CASZ1: variants seen among roughly 807,000 people sequenced by gnomAD.
CASZ1 encodes the protein zinc finger protein castor homolog 1.
CASZ1 carries 28 observed loss-of-function variants against 135.2 expected under a neutral mutation model. The observed-to-expected ratio is 0.21, with a 90% confidence interval of 0.15 to 0.28. The LOEUF is 0.28. CASZ1 is among the 10% of genes least tolerant of loss of function. The pLI is 1.00. For synonymous variants in CASZ1, 1,068 were observed against 1,073.4 expected, an observed-to-expected ratio of 0.99 and a Z score of 0.10; for missense variants, 2,161 against 2,453.3, an observed-to-expected ratio of 0.88 and a Z score of 2.52.
At chr1:10,716,064 A>G (rs1445284583) in intron 2 of CASZ1, among the ~76,000 whole-genome samples, 40 of 124,650 alleles carry the variant, frequency 3.2e-4, no homozygotes, top group Non-Finnish European at 5.9e-4. Flanking sequence ...CGCACCCCAC[A>G]GCACCCAATC....
intron 4 of CASZ1, among the ~76,000 whole-genome samples, chr1:10,678,566 C>T (rs1483407471): frequency 1.3e-5 from 2 of 152,224 alleles, no homozygotes; most frequent in African/African-American, 2.4e-5. Context: ...CACCCGTTCA[C>T]GCACACTCGC....
intron 4 of CASZ1, 30 bp from the exon 5 acceptor site, chr1:10,665,601 A>C: frequency 6.6e-7 from 1 of 1,514,248 alleles, no homozygotes; most frequent in South Asian, 1.3e-5. Flanking sequence ...CACGGAGGTC[A>C]GAGGCGTGCA....
In CASZ1 at chr1:10,639,108, T is replaced by C; in HGVS notation, c.5114A>G (p.Asp1705Gly). 1.7e-6 allele frequency: 2 copies of C among 1,155,480 alleles called. No homozygotes were observed. The highest frequency in any genetic ancestry group is 3.6e-5 in the Admixed American group (1 of 27,622). 71.6% of individuals were successfully genotyped at this position (1,155,480 alleles called of 1,614,324 possible). ...EDDDEDDDDE[D>G]DDEDDDDEDL... The stretch of plus-strand genomic sequence containing the variant: ...CTCGTCGTCGTCGTCCTCGTCGTCG[T>C]CCTCGTCGTCGTCGTCCTCGTCGTC... The change falls in exon 21 of 21, where the codon GAC becomes GGC. Residue 1705 changes from aspartate to glycine, a missense_variant. Physicochemically the swap from Asp to Gly is moderately conservative, Grantham distance 94. Transcript: ENST00000377022. This position sits in a 1 kb window ranked among gnomAD's most constrained non-coding sequence, Gnocchi z 4.0.
At chr1:10,722,364 C>T (rs1639514675) in intron 2 of CASZ1, among the ~76,000 whole-genome samples, 1 of 152,254 alleles carries the variant, frequency 6.6e-6, no homozygotes, top group South Asian at 2.1e-4. Flanking sequence ...CAGTTCCAAA[C>T]TCAAGGCCAA....
intron 3 of CASZ1, chr1:10,704,655 T>G (rs1639133293): frequency 6.6e-6 from 1 of 152,218 alleles, no homozygotes; most frequent in African/African-American, 2.4e-5. Context: ...ACAAACAGGT[T>G]TGGAGCCAGG....
chr1:10,658,172 T>C, intron 7 of CASZ1: 1 of 301,532 alleles, frequency 3.3e-6, no homozygotes, highest in Non-Finnish European at 6.4e-6. Flanking sequence ...CACGGTGGCC[T>C]GCACCCTACT....
In CASZ1 at chr1:10,759,144, G is replaced by A. The variant is rs77908528; in HGVS notation, c.-77+1557C>T. Among the ~76,000 whole-genome samples, 7 of 152,278 alleles carry A rather than the reference G, an allele frequency of 4.6e-5. No individual in the cohort carries two copies. The East Asian group carries it at 1.4e-3, about 29-fold the overall frequency. ...AAACATTACCCTCTCAGAGGGGAGG[G>A]GGCTCTGCAGGCACTCACAGCCTCT... On this transcript the variant is annotated intron_variant, in intron 2 of 20. Transcript: ENST00000377022. This position sits in a 1 kb window ranked among gnomAD's most constrained non-coding sequence, Gnocchi z 4.2.
intron 4 of CASZ1, among the ~76,000 whole-genome samples, chr1:10,674,185 C>T (rs1225684655): frequency 6.6e-6 from 1 of 152,218 alleles, no homozygotes; most frequent in Non-Finnish European, 1.5e-5. Context: ...CCTACAGAGT[C>T]AGGGCATTGG....
chr1:10,763,716 C>T (rs566589640), intron 1 of CASZ1, among the ~76,000 whole-genome samples: 5 of 152,306 alleles, frequency 3.3e-5, no homozygotes, highest in South Asian at 4.1e-4. Flanking sequence ...TAATGATCTG[C>T]GCGTCTCCAG....
intron 2 of CASZ1, among the ~76,000 whole-genome samples, chr1:10,744,117 C>T (rs201892242): frequency 3.9e-4 from 60 of 152,224 alleles, no homozygotes; most frequent in Admixed American, 2.7e-3. Context: ...ACTCCCACCC[C>T]GACCCTGCCC....
At chr1:10,649,490 C>T (rs936788199) in intron 13 of CASZ1, 53 bp from the exon 14 acceptor site, 47 of 1,543,172 alleles carry the variant, frequency 3.0e-5, no homozygotes, top group African/African-American at 2.2e-4. Flanking sequence ...AACACAGACA[C>T]GGCAGCCTGG....
intron 4 of CASZ1, among the ~76,000 whole-genome samples, chr1:10,685,290 C>T (rs1557504651): frequency 6.6e-6 from 1 of 152,206 alleles, no homozygotes; most frequent in Non-Finnish European, 1.5e-5. Flanking sequence ...GGCACACTGT[C>T]ATCTCTGATA....
At chr1:10,688,801 G>A (rs1255804135) in intron 4 of CASZ1, among the ~76,000 whole-genome samples, 2 of 152,204 alleles carry the variant, frequency 1.3e-5, no homozygotes, top group African/African-American at 4.8e-5. Context: ...GCCCTGCACA[G>A]GTGGTCCCGG....
At position 10,756,435 on chromosome 1, in the gene CASZ1, G is replaced by A. The variant is rs1640258262; in HGVS notation, c.-77+4266C>T. Among the ~76,000 whole-genome samples the A allele has an allele frequency of 6.6e-6, 1 of 152,244 alleles. No individual in the cohort carries two copies. The highest frequency in any genetic ancestry group is 2.1e-4 in the South Asian group (1 of 4,836). The stretch of plus-strand genomic sequence containing the variant: ...GGGAATACGTTGCCAGCAAGGGCAA[G>A]TGCTCACGCGAGCCCGGCAGCCGGC... On this transcript the variant is annotated intron_variant, in intron 2 of 20. Coordinates refer to ENST00000377022, the MANE Select transcript of CASZ1 (RefSeq NM_001079843.3). This position sits in a 1 kb window ranked among gnomAD's most constrained non-coding sequence, Gnocchi z 5.9.
Position 10,778,465 on chromosome 1 carries a change from A to T in CASZ1, c.-233-17608T>A, listed in dbSNP as rs117195795. ...ATACAATCTCATACAGAATCACACA[A>T]TCTCACATAGTCTCACAATCACAGT... On this transcript the variant is annotated intron_variant, in intron 1 of 20. Transcript: ENST00000377022. Among the ~76,000 whole-genome samples, 783 of 152,076 alleles carry T rather than the reference A, an allele frequency of 5.1e-3. 19 individuals carry two copies. The highest frequency in any genetic ancestry group is 7.7e-3 in the East Asian group (40 of 5,184).
intron 4 of CASZ1, among the ~76,000 whole-genome samples, chr1:10,686,877 G>C (rs993637714): frequency 7.2e-5 from 11 of 152,198 alleles, no homozygotes; most frequent in South Asian, 2.1e-4. Flanking sequence ...CTAAAAGGAT[G>C]GGGGGCAGAT....
chr1:10,705,290 C>T (rs1334606399), intron 3 of CASZ1, among the ~76,000 whole-genome samples: 1 of 152,232 alleles, frequency 6.6e-6, no homozygotes, highest in Admixed American at 6.5e-5. Context: ...AAAAGCCAAA[C>T]CGAGGGGATC....
intron 5 of CASZ1, 21 bp from the exon 6 acceptor site, chr1:10,660,557 G>A (rs376494772): frequency 1.5e-5 from 24 of 1,593,926 alleles, no homozygotes; most frequent in South Asian, 1.2e-4. Flanking sequence ...GGATGGGGGC[G>A]CATCACCTCT....
intron 2 of CASZ1, among the ~76,000 whole-genome samples, chr1:10,743,816 G>T (rs1193044056): frequency 7.0e-6 from 1 of 142,566 alleles, no homozygotes; most frequent in East Asian, 2.3e-4. Flanking sequence ...TACCCGATGA[G>T]CAGAGAGCAA....
Sources: allele counts gnomAD v4.1 joint callset (sites outside exome capture counted in the v4.1 genomes callset), GRCh38; gene constraint gnomAD v4.1.1; non-coding constraint Gnocchi (gnomAD v3.1); transcripts MANE v1.5; gene names NCBI Gene and HGNC (gene_info 2026-07-23, HGNC 2026-07-21).